The following PLEKHA6 variants were observed in gnomAD, a reference collection of about 807,000 sequenced individuals.
The protein encoded by PLEKHA6 is pleckstrin homology domain containing A6.
A neutral mutation model predicts 116.7 loss-of-function variants in PLEKHA6; 60 were observed. The observed-to-expected ratio is 0.51, with a 90% confidence interval of 0.42 to 0.64. The LOEUF (loss-of-function observed/expected upper bound fraction) is 0.64, where lower values mean the gene tolerates loss of function less well. Ranked by LOEUF, PLEKHA6 falls within the 30% of genes least tolerant of loss-of-function variation. PLEKHA6 has a pLI of 0.00. For synonymous variants in PLEKHA6, 489 were observed against 556.1 expected (o/e 0.88, Z 1.70); for missense variants, 1,338 against 1,422.7 (o/e 0.94, Z 0.96).
rs370640779 is a variant in PLEKHA6 at position 204,273,639 on chromosome 1, C to T, written c.89G>A (p.Arg30Gln). ...HNMVSEVPPE[R>Q]PSVRATRTAR... is the part of the protein sequence containing the mutation. Reference sequence around the variant, plus strand: ...GGCTGGACTTACCCGGACGCTGGGCCGCTCTGGAGGGACCTCGGACACCAT... The same window carrying T: ...GGCTGGACTTACCCGGACGCTGGGCTGCTCTGGAGGGACCTCGGACACCAT... The change falls in exon 3 of 23, where the codon CGG (arginine) becomes CAG (glutamine). Residue 30 changes from arginine (R) to glutamine (Q), a missense_variant. Coordinates refer to ENST00000272203, the MANE Select transcript of PLEKHA6 (RefSeq NM_014935.5). The T allele has an allele frequency of 1.2e-5, 20 of 1,613,664 alleles. No homozygotes were observed. The highest frequency in any genetic ancestry group is 3.3e-5 in the South Asian group (3 of 91,072).
At position 204,277,572 on chromosome 1, in the gene PLEKHA6, G is replaced by A. The variant is rs1668152926; in HGVS notation, c.-94-2763C>T. On this transcript the variant is annotated intron_variant, in intron 1 of 22. Transcript: ENST00000272203. This position sits in a 1 kb window ranked among gnomAD's most constrained non-coding sequence, Gnocchi z 4.1. Reference sequence around the variant, plus strand: ...CCCCAATTCTCAACCCACAATACAGGCTCCTGAGCTGAAAATCAACTTGCT... The same window carrying A: ...CCCCAATTCTCAACCCACAATACAGACTCCTGAGCTGAAAATCAACTTGCT... 6.6e-6 allele frequency: 1 copy of A among 152,140 alleles called. No homozygotes were observed. The highest frequency in any genetic ancestry group is 2.1e-4 in the South Asian group (1 of 4,830). The allele number at this position is 152,140 out of a possible 1,614,324, so 9.4% of individuals were successfully genotyped here. A position where few individuals can be genotyped will look rare whatever the true frequency, so the allele number is the denominator to read the frequency against.
At position 204,261,646 on chromosome 1, in the gene PLEKHA6, T is replaced by A; in HGVS notation, c.382-198A>T. 1 of 592,758 alleles carries A rather than the reference T, an allele frequency of 1.7e-6. No individual in the cohort carries two copies. The highest frequency in any genetic ancestry group is 2.9e-6 in the Non-Finnish European group (1 of 339,302). 36.7% of individuals were successfully genotyped at this position (592,758 alleles called of 1,614,324 possible). ...CAGCTACCCCGAGGGTTCCAGCTGG[T>A]ACCCACGTATCCACCTTGGCTGGCT... On this transcript the variant is annotated intron_variant, in intron 6 of 22. Transcript: ENST00000272203. This position sits in a 1 kb window ranked among gnomAD's most constrained non-coding sequence, Gnocchi z 4.0.
intron 5 of PLEKHA6, among the ~76,000 whole-genome samples, chr1:204,266,919 G>C (rs890359627): frequency 2.0e-5 from 3 of 152,304 alleles, no homozygotes; most frequent in Non-Finnish European, 4.4e-5. Flanking sequence ...TAGGGAGAGG[G>C]TGTTGGGGTC....
intron 9 of PLEKHA6, among the ~76,000 whole-genome samples, chr1:204,256,306 G>A (rs1159067228): frequency 6.6e-6 from 1 of 152,092 alleles, no homozygotes; most frequent in Non-Finnish European, 1.5e-5. Flanking sequence ...CAAATTCCAG[G>A]GAGAGACACG....
At chr1:204,364,508 A>G (rs114632708), upstream of PLEKHA6, among the ~76,000 whole-genome samples, 1,954 of 152,310 alleles carry the variant, frequency 0.013, 31 homozygotes, top group African/African-American at 0.043. Flanking sequence ...GGGATGATAG[A>G]ACCTCCTCAT....
In PLEKHA6 at chr1:204,257,906, C is replaced by T; in HGVS notation, c.1008-37G>A. The T allele has an allele frequency of 1.3e-6, 2 of 1,564,498 alleles. No homozygotes were observed. The highest frequency in any genetic ancestry group is 1.2e-5 in the South Asian group (1 of 82,734). ...GGGACATTGTAATGAAGGCAGACAA[C>T]ACGGGCACCCCTCCACCCACCCCAG... is the stretch of plus-strand genomic sequence containing the variant. On this transcript the variant is annotated intron_variant, in intron 8 of 22. Transcript: ENST00000272203. The surrounding 1 kb of genome is among the most constrained non-coding windows in gnomAD (Gnocchi z 6.5).
chr1:204,343,676 T>C (rs1323845862), intron 1 of PLEKHA6, among the ~76,000 whole-genome samples: 1 of 152,132 alleles, frequency 6.6e-6, no homozygotes, highest in African/African-American at 2.4e-5. Context: ...ATGATACAAG[T>C]TGAAACTGTC....
chr1:204,267,369 C>A (rs1486903564), intron 5 of PLEKHA6, 106 bp downstream of exon 5: 8 of 892,916 alleles, frequency 9.0e-6, no homozygotes, highest in Non-Finnish European at 1.5e-5. Context: ...AGGAGATCTG[C>A]CCTGCTGGTG....
At chr1:204,253,171 T>C (rs1279694055) in intron 9 of PLEKHA6, among the ~76,000 whole-genome samples, 1 of 152,194 alleles carries the variant, frequency 6.6e-6, no homozygotes, top group East Asian at 1.9e-4. Context: ...TGACTGTCAC[T>C]CCTTGCGATG....
intron 17 of PLEKHA6, 107 bp downstream of exon 17, chr1:204,241,268 T>C: frequency 5.6e-6 from 4 of 708,086 alleles, no homozygotes. Flanking sequence ...CACCTTCCTC[T>C]CCAGCCCTGA....
intron 1 of PLEKHA6, among the ~76,000 whole-genome samples, chr1:204,282,130 C>T (rs1668687734): frequency 6.6e-6 from 1 of 151,938 alleles, no homozygotes; most frequent in African/African-American, 2.4e-5. Context: ...CTGGGTGGTC[C>T]CTTATTCCTA....
intron 9 of PLEKHA6, among the ~76,000 whole-genome samples, chr1:204,254,673 G>C (rs1571904036): frequency 6.6e-6 from 1 of 152,158 alleles, no homozygotes; most frequent in East Asian, 1.9e-4. Context: ...CATCTTACAG[G>C]GTTATAGTGA....
At chr1:204,344,943 C>A (rs1257705418) in intron 1 of PLEKHA6, among the ~76,000 whole-genome samples, 1 of 152,206 alleles carries the variant, frequency 6.6e-6, no homozygotes, top group East Asian at 1.9e-4. Flanking sequence ...TCCCGCACCT[C>A]ATTCCCTGTA....
At chr1:204,333,400 G>C (rs898224310) in intron 1 of PLEKHA6, among the ~76,000 whole-genome samples, 2 of 152,344 alleles carry the variant, frequency 1.3e-5, no homozygotes, top group Admixed American at 6.5e-5. Context: ...TACAGCTCAA[G>C]CCCAGGACTC....
intron 1 of PLEKHA6, among the ~76,000 whole-genome samples, chr1:204,304,355 T>C (rs1671093448): frequency 6.6e-6 from 1 of 152,180 alleles, no homozygotes; most frequent in Non-Finnish European, 1.5e-5. Flanking sequence ...GGAGAAAGAC[T>C]CAATATGTTT....
At chr1:204,235,475 A>C (rs1323851744) in intron 17 of PLEKHA6, among the ~76,000 whole-genome samples, 1 of 152,224 alleles carries the variant, frequency 6.6e-6, no homozygotes, top group Non-Finnish European at 1.5e-5. Flanking sequence ...CTGAGCCTCA[A>C]GTATGCTAAG....
intron 1 of PLEKHA6, among the ~76,000 whole-genome samples, chr1:204,290,636 G>A (rs568003292): frequency 4.6e-5 from 7 of 152,232 alleles, no homozygotes; most frequent in African/African-American, 1.7e-4. Flanking sequence ...GACAAAAAAC[G>A]CACCATCAAG....
At chr1:204,294,076 G>A (rs766353382) in intron 1 of PLEKHA6, among the ~76,000 whole-genome samples, 3 of 152,196 alleles carry the variant, frequency 2.0e-5, no homozygotes, top group Admixed American at 6.5e-5. Context: ...AAAGGAAAAA[G>A]AGAAGATGAA....
At chr1:204,302,851 G>A (rs1670947678) in intron 1 of PLEKHA6, among the ~76,000 whole-genome samples, 1 of 151,860 alleles carries the variant, frequency 6.6e-6, no homozygotes, top group Admixed American at 6.6e-5. Flanking sequence ...ACTCCAGCCT[G>A]GGGGACAAGA....
Sources: allele counts gnomAD v4.1 joint callset (sites outside exome capture counted in the v4.1 genomes callset), GRCh38; gene constraint gnomAD v4.1.1; non-coding constraint Gnocchi (gnomAD v3.1); transcripts MANE v1.5; gene names NCBI Gene and HGNC (gene_info 2026-07-23, HGNC 2026-07-21).